Variants in NEDD9 observed in about 807,000 individuals in gnomAD.
NEDD9 encodes enhancer of filamentation 1.
Under a neutral mutation model 76.6 loss-of-function variants are expected in NEDD9, and 26 were observed. That is an observed-to-expected ratio of 0.34 (90% CI 0.25 to 0.47). The LOEUF (loss-of-function observed/expected upper bound fraction) is 0.47. NEDD9 is among the 20% of genes least tolerant of loss of function. The pLI is 1.00. For missense variants in NEDD9, 937 were observed against 1,058.5 expected (o/e 0.89, Z 1.59); for synonymous variants, 392 against 414.2 (o/e 0.95, Z 0.65).
At chr6:11,285,444 C>T (rs1381611520) in intron 3 of NEDD9, among the ~76,000 whole-genome samples, 1 of 152,014 alleles carries the variant, frequency 6.6e-6, no homozygotes, top group East Asian at 1.9e-4. Flanking sequence ...TTGATATCAC[C>T]CCAATCAAAA....
At chr6:11,363,323 G>T (rs1014624915) in intron 1 of NEDD9, among the ~76,000 whole-genome samples, 5 of 152,186 alleles carry the variant, frequency 3.3e-5, no homozygotes, top group Admixed American at 2.0e-4. Flanking sequence ...TTCTTTGTCA[G>T]ATTTTTTTTA....
intron 2 of NEDD9, among the ~76,000 whole-genome samples, chr6:11,308,626 C>G (rs895346505): frequency 6.6e-6 from 1 of 152,032 alleles, no homozygotes; most frequent in African/African-American, 2.4e-5. Flanking sequence ...ACCTCAGCCT[C>G]CCAAAGTGCT....
chr6:11,203,611 A>C (rs1370967681), intron 2 of NEDD9, among the ~76,000 whole-genome samples: 1 of 152,214 alleles, frequency 6.6e-6, no homozygotes, highest in African/African-American at 2.4e-5. Context: ...ACGTCTGCAA[A>C]ATCCAAGAGG....
chr6:11,299,819 C>T (rs1248819248), intron 3 of NEDD9, among the ~76,000 whole-genome samples: 1 of 152,146 alleles, frequency 6.6e-6, no homozygotes, highest in Non-Finnish European at 1.5e-5. Context: ...TCAACATCAA[C>T]AAAAAGGACA....
At chr6:11,319,687 G>T (rs1345735091) in intron 2 of NEDD9, among the ~76,000 whole-genome samples, 1 of 81,108 alleles carries the variant, frequency 1.2e-5, no homozygotes, top group Non-Finnish European at 2.4e-5. Flanking sequence ...CACAAACATG[G>T]ACACTCACAC....
Position 11,257,775 on chromosome 6 carries a change from C to CTGTGTGTGTGTGTGTGTGTG in NEDD9, c.13-44068_13-44049dup, listed in dbSNP as rs3067253. Among the ~76,000 whole-genome samples the CTGTGTGTGTGTGTGTGTGTG allele has an allele frequency of 8.6e-3, 1,227 of 143,022 alleles. 27 individuals carry two copies. The highest frequency in any genetic ancestry group is 0.031 in the African/African-American group (1,148 of 37,206). 93.8% of individuals were successfully genotyped at this position (143,022 alleles called of 152,430 possible). On this transcript the variant is annotated intron_variant, in intron 3 of 3. Transcript: ENST00000397378. ...CAGAGTGACAGAAACAATGTAGATT[C>CTGTGTGTGTGTGTGTGTGTG]TGTGTGTGTGTGTGTGTGTGTGTGT... is the stretch of plus-strand genomic sequence containing the variant.
At chr6:11,353,941 A>G (rs1356690508) in intron 1 of NEDD9, among the ~76,000 whole-genome samples, 3 of 152,252 alleles carry the variant, frequency 2.0e-5, no homozygotes, top group Non-Finnish European at 4.4e-5. Flanking sequence ...GATGGGGGCC[A>G]TAATTCAACG....
At chr6:11,225,429 A>C (rs1759281123) in intron 1 of NEDD9, among the ~76,000 whole-genome samples, 1 of 152,218 alleles carries the variant, frequency 6.6e-6, no homozygotes, top group South Asian at 2.1e-4. Context: ...CCGTGTAAGC[A>C]CCAGAAGCAC....
rs1346535711 is a variant in NEDD9, at chr6:11,213,305, G to T, written c.435C>A (p.Thr145=). The T allele has an allele frequency of 1.9e-6, 3 of 1,607,878 alleles. No homozygotes were observed. Among genetic ancestry groups the T allele is most frequent in the Non-Finnish European group, 1.7e-6 (2 of 1,175,000 alleles). ...PPSVQRSIGG[T]SGPHVGKKVI... Reference sequence around the variant, plus strand: ...CCTTTTTACCCACGTGGGGCCCACTGGTTCCCCCAATGCTTCTCTGCACTG... The same window carrying T: ...CCTTTTTACCCACGTGGGGCCCACTTGTTCCCCCAATGCTTCTCTGCACTG... Residue 145 remains threonine (T), a synonymous_variant, in exon 2 of 7, where the codon ACC becomes ACA. Coordinates refer to ENST00000379446, the MANE Select transcript of NEDD9 (RefSeq NM_006403.4). The surrounding 1 kb of genome is among the most constrained non-coding windows in gnomAD (Gnocchi z 5.4).
intron 3 of NEDD9, chr6:11,305,085 A>T (rs1761145653): frequency 7.8e-7 from 1 of 1,287,456 alleles, no homozygotes; most frequent in Admixed American, 2.3e-5. Context: ...TTTGCCCAGA[A>T]AGGAGATTGG....
Position 11,185,528 on chromosome 6 carries a change from G to C in NEDD9, c.2139C>G (p.Asp713Glu). Reference protein sequence around the residue: ...QDRQLLCFYYDQCETHFISLL... With the variant: ...QDRQLLCFYYEQCETHFISLL... ...GGGAAATGAAATGGGTCTCACATTG[G>C]TCATAGTAGAAGCACAGCAACTGCC... The change falls in exon 7 of 7, where the codon GAC (aspartate) becomes GAG (glutamate). Residue 713 changes from aspartate to glutamate, a missense_variant. Physicochemically the swap from Asp to Glu is conservative, Grantham distance 45 (BLOSUM62 2). Coordinates refer to ENST00000379446, the MANE Select transcript of NEDD9 (RefSeq NM_006403.4). 1.2e-6 allele frequency: 2 copies of C among 1,614,212 alleles called. No homozygotes were observed. Among genetic ancestry groups the C allele is most frequent in the Non-Finnish European group, 1.7e-6 (2 of 1,180,032 alleles).
upstream of NEDD9, among the ~76,000 whole-genome samples, chr6:11,237,458 T>C (rs538246225): frequency 2.0e-5 from 3 of 152,360 alleles, no homozygotes; most frequent in South Asian, 6.2e-4. The surrounding 1 kb of genome is among the most constrained non-coding windows in gnomAD (Gnocchi z 4.9). Flanking sequence ...CAGTGAGTTT[T>C]CCATTTATTT....
intron 3 of NEDD9, among the ~76,000 whole-genome samples, chr6:11,287,796 C>A (rs1760683478): frequency 6.6e-6 from 1 of 152,154 alleles, no homozygotes; most frequent in Non-Finnish European, 1.5e-5. Context: ...GACGCTAACC[C>A]ATCACCCAGC....
At chr6:11,379,916 C>T (rs1428183814) in intron 1 of NEDD9, among the ~76,000 whole-genome samples, 2 of 152,216 alleles carry the variant, frequency 1.3e-5, no homozygotes, top group Non-Finnish European at 2.9e-5. Flanking sequence ...TTGTGTTCCA[C>T]ACTTCAGAAA....
intron 1 of NEDD9, among the ~76,000 whole-genome samples, chr6:11,372,762 C>G (rs1336187216): frequency 6.6e-6 from 1 of 152,160 alleles, no homozygotes; most frequent in Non-Finnish European, 1.5e-5. Flanking sequence ...TGTTGAGCAC[C>G]TATTCATATA....
intron 1 of NEDD9, among the ~76,000 whole-genome samples, chr6:11,337,047 G>C (rs1296813606): frequency 6.6e-6 from 1 of 152,122 alleles, no homozygotes; most frequent in Non-Finnish European, 1.5e-5. Flanking sequence ...TTGAAACCCT[G>C]TCTCTACTAA....
chr6:11,222,664 G>C (rs1033475956), intron 1 of NEDD9, among the ~76,000 whole-genome samples: 1 of 152,250 alleles, frequency 6.6e-6, no homozygotes, highest in Non-Finnish European at 1.5e-5. Flanking sequence ...ATATTGTAGA[G>C]AGAGAAGCCA....
chr6:11,185,770 T>C, intron 6 of NEDD9, 99 bp from the exon 7 acceptor site: 1 of 1,408,698 alleles, frequency 7.1e-7, no homozygotes, highest in Non-Finnish European at 9.6e-7. Context: ...TTTTAGTCGC[T>C]AGTAACTGTC....
At chr6:11,258,615 G>A (rs1472667161) in intron 3 of NEDD9, 1 of 152,046 alleles carries the variant, frequency 6.6e-6, no homozygotes, top group Admixed American at 6.5e-5. Flanking sequence ...ACTACCTGAA[G>A]CCATGCAAGT....
Sources: gnomAD v4.1 joint callset for allele counts (sites outside exome capture counted in the v4.1 genomes callset) on GRCh38, gnomAD v4.1.1 for gene constraint, Gnocchi (gnomAD v3.1) non-coding constraint, MANE v1.5 for transcripts, NCBI Gene and HGNC (gene_info 2026-07-23, HGNC 2026-07-21) for gene names.